Variants in NTRK2 observed in about 807,000 individuals in gnomAD.
NTRK2 encodes BDNF/NT-3 growth factors receptor.
A neutral mutation model predicts 94.5 loss-of-function variants in NTRK2; 13 were observed. That is an observed-to-expected ratio of 0.14 (90% CI 0.09 to 0.22). The LOEUF (loss-of-function observed/expected upper bound fraction) is 0.22. Ranked by LOEUF, NTRK2 falls within the 10% of genes least tolerant of loss-of-function variation. The probability of loss-of-function intolerance (pLI) is 1.00; values close to 1 mark genes in which losing one functional copy is unlikely to be tolerated. For synonymous variants in NTRK2, 372 were observed against 407.4 expected (o/e 0.91, Z 1.05); for missense variants, 639 against 1,071.2 (o/e 0.60, Z 5.63).
chr9:84,940,765 ATCAAGAGTTAGTTGAC>A (rs2078381434), intron 15 of NTRK2, among the ~76,000 whole-genome samples: 1 of 152,128 alleles, frequency 6.6e-6, no homozygotes, highest in African/African-American at 2.4e-5. Context: ...GAGAAAAAGC[ATCAAGAGTTAGTTGAC>A]TCAAGTGCTC....
chr9:84,747,994 G>A (rs1036343974), intron 11 of NTRK2, among the ~76,000 whole-genome samples: 9 of 152,136 alleles, frequency 5.9e-5, no homozygotes, highest in African/African-American at 2.2e-4. Flanking sequence ...TCACAGGAGG[G>A]ATCATTAGAT....
chr9:84,999,253 G>A (rs1286499163), intron 17 of NTRK2, among the ~76,000 whole-genome samples: 2 of 152,146 alleles, frequency 1.3e-5, no homozygotes, highest in Admixed American at 6.5e-5. Flanking sequence ...GCTCCTTGAA[G>A]CTTGTGATAA....
chr9:84,840,023 C>T (rs1020162037), intron 12 of NTRK2, among the ~76,000 whole-genome samples: 4 of 152,038 alleles, frequency 2.6e-5, no homozygotes, highest in African/African-American at 9.7e-5. Context: ...CTTTCCCTTT[C>T]TTCCTCCTCC....
intron 12 of NTRK2, among the ~76,000 whole-genome samples, chr9:84,845,467 G>T (rs2074421847): frequency 6.6e-6 from 1 of 152,170 alleles, no homozygotes; most frequent in African/African-American, 2.4e-5. Flanking sequence ...TTAATTGAAA[G>T]ACTTTAATCT....
chr9:85,001,728 A>G (rs976613863), intron 17 of NTRK2, among the ~76,000 whole-genome samples: 7 of 152,244 alleles, frequency 4.6e-5, no homozygotes, highest in Admixed American at 6.5e-5. Context: ...GAGGAGAAGG[A>G]TCTAAGGTAG....
chr9:84,943,435 A>G (rs953319786), intron 15 of NTRK2, among the ~76,000 whole-genome samples: 1 of 152,118 alleles, frequency 6.6e-6, no homozygotes, highest in Admixed American at 6.6e-5. Flanking sequence ...ATTATTTCCA[A>G]TTCTGAATCA....
chr9:84,979,359 A>G (rs931807535), intron 17 of NTRK2, among the ~76,000 whole-genome samples: 1 of 152,226 alleles, frequency 6.6e-6, no homozygotes, highest in Non-Finnish European at 1.5e-5. Flanking sequence ...GGAGGGATTC[A>G]AGACTTCAGT....
intron 12 of NTRK2, among the ~76,000 whole-genome samples, chr9:84,767,863 A>G (rs1032237893): frequency 9.9e-5 from 15 of 152,202 alleles, no homozygotes; most frequent in African/African-American, 3.4e-4. Context: ...ATTGCTCAAT[A>G]GTACATATTT....
intron 6 of NTRK2, among the ~76,000 whole-genome samples, chr9:84,716,422 G>A (rs2061714278): frequency 6.6e-6 from 1 of 152,086 alleles, no homozygotes; most frequent in African/African-American, 2.4e-5. Context: ...ACAGTTTGTA[G>A]CACATATGTC....
chr9:84,975,111 A>G (rs554673441), intron 17 of NTRK2, among the ~76,000 whole-genome samples: 1 of 152,204 alleles, frequency 6.6e-6, no homozygotes, highest in African/African-American at 2.4e-5. Flanking sequence ...GCTGCAGGCA[A>G]AGAATGGCCA....
chr9:84,797,420 G>A (rs916618392), intron 12 of NTRK2, among the ~76,000 whole-genome samples: 2 of 147,438 alleles, frequency 1.4e-5, no homozygotes, highest in African/African-American at 5.0e-5. Context: ...CTAGTTATGG[G>A]GGATTCCGTG....
At chr9:84,714,316 C>A (rs2061584142) in intron 6 of NTRK2, among the ~76,000 whole-genome samples, 1 of 152,166 alleles carries the variant, frequency 6.6e-6, no homozygotes, top group African/African-American at 2.4e-5. Context: ...CCTTTGAAAG[C>A]CTCACTATTT....
intron 14 of NTRK2, among the ~76,000 whole-genome samples, chr9:84,919,648 C>T (rs1009658898): frequency 9.2e-5 from 14 of 152,192 alleles, no homozygotes; most frequent in African/African-American, 2.2e-4. Flanking sequence ...TCAAGTGCTG[C>T]GAGAACAGAA....
intron 12 of NTRK2, among the ~76,000 whole-genome samples, chr9:84,851,091 C>G (rs184928139): frequency 8.9e-4 from 136 of 152,254 alleles, no homozygotes; most frequent in African/African-American, 3.2e-3. Context: ...TTGTCCCTGA[C>G]CTCTGCCTGT....
chr9:84,801,573 T>C (rs1034971277), intron 12 of NTRK2, among the ~76,000 whole-genome samples: 2 of 152,182 alleles, frequency 1.3e-5, no homozygotes, highest in Non-Finnish European at 2.9e-5. Flanking sequence ...GGTAAACAAC[T>C]GAGACCCTAC....
chr9:84,739,688 G>A (rs1420203330), intron 9 of NTRK2, among the ~76,000 whole-genome samples: 1 of 152,112 alleles, frequency 6.6e-6, no homozygotes, highest in African/African-American at 2.4e-5. Flanking sequence ...GTGGGGGCCT[G>A]AGAATAAATC....
intron 12 of NTRK2, among the ~76,000 whole-genome samples, chr9:84,834,002 T>G (rs541376179): frequency 1.3e-5 from 2 of 152,256 alleles, no homozygotes; most frequent in African/African-American, 4.8e-5. Context: ...ACTTTCATCT[T>G]CCACTTGGGT....
intron 14 of NTRK2, chr9:84,871,744 C>A: frequency 6.5e-7 from 1 of 1,549,430 alleles, no homozygotes; most frequent in Non-Finnish European, 8.9e-7. Context: ...GGGCTGAATT[C>A]CTCCCGAGCA....
At chr9:84,749,394 A>C (rs1366796210) in intron 11 of NTRK2, among the ~76,000 whole-genome samples, 1 of 152,310 alleles carries the variant, frequency 6.6e-6, no homozygotes, top group Middle Eastern at 3.4e-3. Context: ...TGCTCTTCTC[A>C]TCTGACATGA....
Sources: gnomAD v4.1 joint callset for allele counts (sites outside exome capture counted in the v4.1 genomes callset) on GRCh38, gnomAD v4.1.1 for gene constraint, MANE v1.5 for transcripts, NCBI Gene and HGNC (gene_info 2026-07-23, HGNC 2026-07-21) for gene names.